The following GAB1 variants were observed in gnomAD, a reference collection of about 807,000 sequenced individuals.
GAB1 encodes GRB2 associated binding protein 1.
GAB1 carries 19 observed loss-of-function variants against 66.5 expected under a neutral mutation model. That is an observed-to-expected ratio of 0.29 (90% confidence interval 0.20 to 0.42). The LOEUF (loss-of-function observed/expected upper bound fraction) is 0.42. Ranked by LOEUF, GAB1 falls within the 10% of genes least tolerant of loss-of-function variation. GAB1 has a pLI of 1.00. For missense variants in GAB1, 732 were observed against 858.5 expected (o/e 0.85, Z 1.84); for synonymous variants, 294 against 301.4 (o/e 0.98, Z 0.25).
Position 143,370,420 on chromosome 4 carries a change from C to A in GAB1, c.72+33160C>A, listed in dbSNP as rs184327135. On this transcript the variant is annotated intron_variant, in intron 1 of 9. Transcript: ENST00000262994. The stretch of plus-strand genomic sequence containing the variant: ...AGTGTAGAACAAGGATTGTTGCAGT[C>A]CTTGACAGATCAGACTCTTCAGGCT... 5.3e-5 allele frequency among the ~76,000 whole-genome samples: 8 copies of A among 152,078 alleles called. No individual in the cohort carries two copies. The East Asian group carries it at 1.6e-3, about 29-fold the overall frequency.
chr4:143,387,093 A>G (rs1303304344), intron 1 of GAB1, among the ~76,000 whole-genome samples: 4 of 152,100 alleles, frequency 2.6e-5, no homozygotes, highest in African/African-American at 9.7e-5. Context: ...CCCATGGGGC[A>G]GTGAGTTGGT....
At chr4:143,434,276 G>A in intron 3 of GAB1, 1 of 374,198 alleles carries the variant, frequency 2.7e-6, no homozygotes, top group Admixed American at 4.0e-5. Flanking sequence ...AGTGAAATTT[G>A]ATCAAATAAA....
intron 7 of GAB1, 131 bp from the exon 8 acceptor site, chr4:143,460,233 G>A: frequency 1.3e-6 from 1 of 780,550 alleles, no homozygotes; most frequent in Non-Finnish European, 2.1e-6. Flanking sequence ...TTATAAATGT[G>A]TACAATGAAT....
intron 8 of GAB1, 73 bp from the exon 9 acceptor site, chr4:143,466,030 G>A (rs1560790607): frequency 2.2e-5 from 33 of 1,521,102 alleles, no homozygotes; most frequent in Middle Eastern, 3.5e-4. Context: ...TTAGGCTTCC[G>A]TAGATGTTCA....
intron 2 of GAB1, among the ~76,000 whole-genome samples, chr4:143,418,789 C>T (rs753844965): frequency 4.6e-5 from 7 of 151,988 alleles, no homozygotes; most frequent in Non-Finnish European, 1.0e-4. Context: ...TTTTTTGAAG[C>T]CTATTCAAGG....
intron 1 of GAB1, among the ~76,000 whole-genome samples, chr4:143,340,484 A>C (rs1340924649): frequency 2.0e-5 from 3 of 152,098 alleles, no homozygotes; most frequent in Non-Finnish European, 4.4e-5. Flanking sequence ...AGGGCTTTTA[A>C]GTGACAAAAA....
intron 1 of GAB1, among the ~76,000 whole-genome samples, chr4:143,341,099 TA>T (rs1442419779): frequency 2.6e-5 from 4 of 152,250 alleles, no homozygotes; most frequent in Non-Finnish European, 5.9e-5. Flanking sequence ...TGGAAGTTTT[TA>T]AAATCTACTT....
chr4:143,369,647 C>T (rs1401494103), intron 1 of GAB1, among the ~76,000 whole-genome samples: 5 of 152,108 alleles, frequency 3.3e-5, no homozygotes, highest in African/African-American at 4.8e-5. Context: ...GCTGTTGGTG[C>T]CCCAGATTTG....
chr4:143,419,483 C>T (rs1732897668), intron 2 of GAB1, among the ~76,000 whole-genome samples: 1 of 152,084 alleles, frequency 6.6e-6, no homozygotes. Flanking sequence ...GACTTGTGAA[C>T]TTTTCATCTT....
chr4:143,359,833 C>T (rs1464725070), intron 1 of GAB1, among the ~76,000 whole-genome samples: 2 of 152,132 alleles, frequency 1.3e-5, no homozygotes, highest in African/African-American at 4.8e-5. Flanking sequence ...TGGTTTCTCC[C>T]TATTGTGTTA....
chr4:143,337,169 G>A lies in GAB1; in HGVS notation c.-20G>A. On this transcript the variant is annotated 5_prime_UTR_variant, in exon 1 of 10. Coordinates refer to ENST00000262994, the MANE Select transcript of GAB1 (RefSeq NM_002039.4). ...CGCCGCCCCTCAGCTGCCCGGCCCG[G>A]AGCCCGAGACGCGCGCACCATGAGC... 1.9e-6 allele frequency: 3 copies of A among 1,564,940 alleles called. No homozygotes were observed. Among genetic ancestry groups the A allele is most frequent in the Non-Finnish European group, 2.6e-6 (3 of 1,154,338 alleles).
At chr4:143,343,301 G>A (rs1435143635) in intron 1 of GAB1, among the ~76,000 whole-genome samples, 1 of 152,122 alleles carries the variant, frequency 6.6e-6, no homozygotes, top group African/African-American at 2.4e-5. Flanking sequence ...TCTTCCTTGT[G>A]GGGAAATCTT....
At chr4:143,428,993 TAATAAATAAA>T (rs959771869) in intron 2 of GAB1, among the ~76,000 whole-genome samples, 3 of 152,154 alleles carry the variant, frequency 2.0e-5, no homozygotes, top group Admixed American at 1.3e-4. Context: ...ACTTAAAGTA[TAATAAATAAA>T]AATAAATAAA....
Position 143,469,999 on chromosome 4 carries a change from C to T in GAB1, c.*810C>T, listed in dbSNP as rs1439118885. 6.6e-6 allele frequency: 1 copy of T among 152,562 alleles called. No homozygotes were observed. Among genetic ancestry groups the T allele is most frequent in the Non-Finnish European group, 1.5e-5 (1 of 68,038 alleles). The allele number at this position is 152,562 out of a possible 1,614,324, so 9.5% of individuals were successfully genotyped here. ...ATTTGCAAAAGGTAGATTATGTAAC[C>T]AATCAGGTACGTACCAGGCAGTGAT... On this transcript the variant is annotated 3_prime_UTR_variant, in exon 10 of 10. Coordinates refer to ENST00000262994, the MANE Select transcript of GAB1 (RefSeq NM_002039.4).
intron 1 of GAB1, among the ~76,000 whole-genome samples, chr4:143,365,446 C>T (rs1040646328): frequency 6.6e-6 from 1 of 152,120 alleles, no homozygotes; most frequent in Admixed American, 6.5e-5. Flanking sequence ...TAGTACAAGA[C>T]TTGACATATA....
chr4:143,460,560 T>C, intron 8 of GAB1, 73 bp downstream of exon 8: 1 of 1,391,266 alleles, frequency 7.2e-7, no homozygotes. Flanking sequence ...GTTCTGTCTA[T>C]AAATTTTATC....
intron 3 of GAB1, among the ~76,000 whole-genome samples, chr4:143,434,648 G>A (rs183909228): frequency 6.6e-6 from 1 of 152,030 alleles, no homozygotes. Flanking sequence ...GAGCCACTGC[G>A]CTTGGCCTCC....
At chr4:143,386,069 G>A (rs1426593124) in intron 1 of GAB1, among the ~76,000 whole-genome samples, 15 of 152,156 alleles carry the variant, frequency 9.9e-5, no homozygotes. Context: ...TTTAGCCCAG[G>A]AGGTCAAGAC....
At position 143,349,919 on chromosome 4, in the gene GAB1, C is replaced by T. The variant is rs1729129731; in HGVS notation, c.72+12659C>T. On this transcript the variant is annotated intron_variant, in intron 1 of 9. Transcript: ENST00000262994. ...ATGGGCAGAGAGAAGAGATAGATCT[C>T]CTCCAGGGACTTGATCTTCATGTCC... 3.8e-6 allele frequency: 6 copies of T among 1,590,138 alleles called. No individual in the cohort carries two copies. In the Admixed American group the frequency reaches 8.4e-5, roughly 22 times the overall value.
Sources: gnomAD v4.1 joint callset for allele counts (sites outside exome capture counted in the v4.1 genomes callset) on GRCh38, gnomAD v4.1.1 for gene constraint, MANE v1.5 for transcripts, NCBI Gene and HGNC (gene_info 2026-07-23, HGNC 2026-07-21) for gene names.